HERC1: variants seen among roughly 807,000 people sequenced by gnomAD.
HERC1 encodes the protein HECT and RLD domain containing E3 ubiquitin protein ligase family member 1, also known as probable E3 ubiquitin-protein ligase HERC1.
HERC1 carries 160 observed loss-of-function variants against 554.3 expected under a neutral mutation model. The observed-to-expected ratio is 0.29, with a 90% CI of 0.25 to 0.33. The LOEUF (loss-of-function observed/expected upper bound fraction) is 0.33. Among genes scored for constraint, HERC1 ranks in the 10% least tolerant of loss-of-function variants. The pLI is 1.00. For missense variants in HERC1, 4,919 were observed against 5,918.5 expected (o/e 0.83, Z 5.54); for synonymous variants, 2,175 against 2,131.7 (o/e 1.02, Z -0.56).
Position 63,706,030 on chromosome 15 carries a change from CA to C in HERC1, c.4636+749del, listed in dbSNP as rs35213471. On this transcript the variant is annotated intron_variant, in intron 25 of 77. Transcript: ENST00000443617. ...GGACAACAAAGCAAGACCCTGTCTC[CA>C]AAAAAAAAAAAAAAAAAAAAAGCAG... Among the ~76,000 whole-genome samples, 21 of 46,806 alleles carry C rather than the reference CA, an allele frequency of 4.5e-4. No homozygotes were observed. In the East Asian group the frequency reaches 7.7e-3, roughly 17 times the overall value. The allele number at this position is 46,806 out of a possible 152,430, so 30.7% of individuals were successfully genotyped here. A position where few individuals can be genotyped will look rare whatever the true frequency, so the allele number is the denominator to read the frequency against.
At chr15:63,640,740 T>C (rs921208178) in intron 60 of HERC1, among the ~76,000 whole-genome samples, 2 of 152,198 alleles carry the variant, frequency 1.3e-5, no homozygotes, top group South Asian at 2.1e-4. Context: ...TATTTGGTTT[T>C]CCTCAGTTTT....
chr15:63,666,864 T>C (rs1198049225), intron 40 of HERC1, among the ~76,000 whole-genome samples: 1 of 152,204 alleles, frequency 6.6e-6, no homozygotes, highest in African/African-American at 2.4e-5. Context: ...ACAGCTGAGG[T>C]CCAACAAGGT....
At chr15:63,619,695 A>G (rs2067986183) in intron 74 of HERC1, among the ~76,000 whole-genome samples, 1 of 152,186 alleles carries the variant, frequency 6.6e-6, no homozygotes, top group East Asian at 1.9e-4. Context: ...CTATTCAGAG[A>G]TTCAACTTCT....
rs7175463 is a variant in HERC1, at chr15:63,669,822, G to A, written c.8046-124C>T. 0.11 allele frequency: 86,474 copies of A among 760,000 alleles called. 5,579 individuals are homozygous for A. Among genetic ancestry groups the A allele is most frequent in the African/African-American group, 0.17 (9,594 of 57,326 alleles). The allele number at this position is 760,000 out of a possible 1,614,324, so 47.1% of individuals were successfully genotyped here. A position where few individuals can be genotyped will look rare whatever the true frequency, so the allele number is the denominator to read the frequency against. On this transcript the variant is annotated intron_variant, in intron 39 of 77. Coordinates refer to ENST00000443617, the MANE Select transcript of HERC1 (RefSeq NM_003922.4). ...AACAGGTTAGTTATAGTTTAATGGAGGGTGGGGAGAAAGACTCCTTAGTTT... is the reference window on the plus strand; with the variant it reads ...AACAGGTTAGTTATAGTTTAATGGAAGGTGGGGAGAAAGACTCCTTAGTTT...
At chr15:63,713,128 T>G (rs891706897) in intron 23 of HERC1, among the ~76,000 whole-genome samples, 2 of 152,264 alleles carry the variant, frequency 1.3e-5, no homozygotes, top group African/African-American at 2.4e-5. Context: ...CTGTTGTTTA[T>G]ATATACGAAA....
In HERC1 at chr15:63,725,275, G is replaced by C; in HGVS notation, c.3568+17C>G. The C allele has an allele frequency of 6.2e-7, 1 of 1,602,408 alleles. No individual in the cohort carries two copies. Among genetic ancestry groups the C allele is most frequent in the Non-Finnish European group, 8.5e-7 (1 of 1,170,504 alleles). The stretch of plus-strand genomic sequence containing the variant: ...CAAACAGGCATGTATTTTAAATGCT[G>C]CAGAGAAGCACATTACCCAATTGAG... On this transcript the variant is annotated intron_variant, in intron 18 of 77. Coordinates refer to ENST00000443617, the MANE Select transcript of HERC1 (RefSeq NM_003922.4).
Position 63,623,879 on chromosome 15 carries a change from C to G in HERC1, c.13457G>C (p.Cys4486Ser). The change falls in exon 73 of 78, where the codon TGT becomes TCT. Residue 4486 changes from cysteine (C) to serine (S), a missense_variant. Physicochemically the swap from Cys to Ser is moderately radical, Grantham distance 112. Coordinates refer to ENST00000443617, the MANE Select transcript of HERC1 (RefSeq NM_003922.4). ...VKRISTRGRK[C>S]KPIFVQIARQ... ...CGCTATTTGGACAAAAATAGGCTTACACTTCCGTCCTCTTTAAAAGAAAGG... is the reference window on the plus strand; with the variant it reads ...CGCTATTTGGACAAAAATAGGCTTAGACTTCCGTCCTCTTTAAAAGAAAGG... 1.2e-6 allele frequency: 2 copies of G among 1,613,840 alleles called. No individual in the cohort carries two copies. Among genetic ancestry groups the G allele is most frequent in the Non-Finnish European group, 1.7e-6 (2 of 1,179,810 alleles).
At chr15:63,660,916 AG>A in intron 46 of HERC1, 56 bp downstream of exon 46, 1 of 1,025,538 alleles carries the variant, frequency 9.8e-7, no homozygotes, top group Non-Finnish European at 1.5e-6. Flanking sequence ...ACAGATGTTA[AG>A]CAGAGAGGAT....
chr15:63,713,419 C>T lies in HERC1; in HGVS notation c.4397G>A (p.Arg1466Gln), dbSNP rs370520782. The T allele has an allele frequency of 3.1e-6, 5 of 1,613,986 alleles. No homozygotes were observed. The highest frequency in any genetic ancestry group is 2.2e-5 in the East Asian group (1 of 44,878). ...TTGCTGCAACTGTCCTTCTTCTCTT[C>T]GCTTCTGAAGCTCATCTATCACAGG... is the stretch of plus-strand genomic sequence containing the variant. ...VSPVIDELQK[R>Q]REEGQLQQPS... Residue 1466 changes from arginine (R) to glutamine (Q), a missense_variant, in exon 23 of 78, where the codon CGA becomes CAA. Physicochemically the swap from Arg to Gln is conservative, Grantham distance 43. Transcript: ENST00000443617.
intron 63 of HERC1, 122 bp downstream of exon 63, chr15:63,638,285 ACTTT>A (rs2068876361): frequency 1.2e-5 from 12 of 994,102 alleles, no homozygotes; most frequent in East Asian, 2.4e-5. Context: ...ATATATCATG[ACTTT>A]CTTTAATGAT....
chr15:63,752,249 A>ACACTTTTAT (rs2075274617), intron 8 of HERC1, among the ~76,000 whole-genome samples: 1 of 152,158 alleles, frequency 6.6e-6, no homozygotes, highest in African/African-American at 2.4e-5. Flanking sequence ...TAGTCATAAA[A>ACACTTTTAT]CACTTTTATA....
At position 63,648,215 on chromosome 15, in the gene HERC1, CAA is replaced by C. The variant is rs2069458655; in HGVS notation, c.10748-18_10748-17del. On this transcript the variant is annotated splice_polypyrimidine_tract_variant and intron_variant, in intron 54 of 77. Transcript: ENST00000443617. ...GTAACAGACACTAACATGATCAAAA[CAA>C]AAGAGTAAGGAAAAGATAATTATTT... 2 of 1,591,018 alleles carry C rather than the reference CAA, an allele frequency of 1.3e-6. No individual in the cohort carries two copies. The highest frequency in any genetic ancestry group is 1.1e-5 in the South Asian group (1 of 87,376).
intron 27 of HERC1, among the ~76,000 whole-genome samples, chr15:63,695,688 G>A (rs186319144): frequency 3.9e-5 from 6 of 152,176 alleles, no homozygotes; most frequent in African/African-American, 1.2e-4. Flanking sequence ...ACGCCCGGCC[G>A]AGTCTGTATA....
At chr15:63,685,860 TA>T (rs2071731135) in intron 34 of HERC1, among the ~76,000 whole-genome samples, 1 of 152,234 alleles carries the variant, frequency 6.6e-6, no homozygotes, top group Non-Finnish European at 1.5e-5. Flanking sequence ...ATATAAATTT[TA>T]CCTAACTGAT....
intron 1 of HERC1, among the ~76,000 whole-genome samples, chr15:63,812,811 A>C (rs374444954): frequency 7.9e-5 from 12 of 152,278 alleles, no homozygotes; most frequent in East Asian, 3.9e-4. Flanking sequence ...ATTATTAAGG[A>C]AAGAAATCAA....
intron 39 of HERC1, among the ~76,000 whole-genome samples, chr15:63,670,980 T>A (rs2070880983): frequency 6.6e-6 from 1 of 151,920 alleles, no homozygotes; most frequent in African/African-American, 2.4e-5. Context: ...GGTGGGCAGA[T>A]CCCCTGAGGT....
rs189126158 is a variant in HERC1, at chr15:63,661,405, T to C, written c.9170+348A>G. On this transcript the variant is annotated intron_variant, in intron 45 of 77. Coordinates refer to ENST00000443617, the MANE Select transcript of HERC1 (RefSeq NM_003922.4). ...CTCGTTTAATCAAAAGTCTGTTTTTTTCATCAGGAAAAAGATCTTAATTAA... is the reference window on the plus strand; with the variant it reads ...CTCGTTTAATCAAAAGTCTGTTTTTCTCATCAGGAAAAAGATCTTAATTAA... 1.4e-3 allele frequency among the ~76,000 whole-genome samples: 209 copies of C among 152,322 alleles called. 3 individuals are homozygous for C. The highest frequency in any genetic ancestry group is 4.8e-3 in the African/African-American group (200 of 41,572).
intron 57 of HERC1, 21 bp downstream of exon 57, chr15:63,644,971 T>C: frequency 1.3e-6 from 2 of 1,557,028 alleles, no homozygotes; most frequent in South Asian, 2.2e-5. Context: ...CAGACAGTCT[T>C]CAAAAACACC....
rs1346796415 is a variant in HERC1, at chr15:63,638,500, A to G, written c.12004T>C (p.Trp4002Arg). The change falls in exon 63 of 78, where the codon TGG becomes CGG. Residue 4002 changes from tryptophan to arginine, a missense_variant. Trp to Arg is a moderately radical substitution (Grantham distance 101, BLOSUM62 -3). Coordinates refer to ENST00000443617, the MANE Select transcript of HERC1 (RefSeq NM_003922.4). ...HLGGKCDVYLWGAGRHGQLAE... is the reference protein window; with the variant it reads ...HLGGKCDVYLRGAGRHGQLAE... ...AGCTGTCCATGCCTACCAGCACCCCATAAGTAGACATCACATTTACCTCCC... is the reference window on the plus strand; with the variant it reads ...AGCTGTCCATGCCTACCAGCACCCCGTAAGTAGACATCACATTTACCTCCC... The G allele has an allele frequency of 6.2e-7, 1 of 1,613,894 alleles. No homozygotes were observed. Among genetic ancestry groups the G allele is most frequent in the Non-Finnish European group, 8.5e-7 (1 of 1,179,818 alleles).
Sources: gnomAD v4.1 joint callset for allele counts (sites outside exome capture counted in the v4.1 genomes callset) on GRCh38, gnomAD v4.1.1 for gene constraint, MANE v1.5 for transcripts, NCBI Gene and HGNC (gene_info 2026-07-23, HGNC 2026-07-21) for gene names.